USH1C: variants seen among roughly 807,000 people sequenced by gnomAD.
USH1C encodes the protein harmonin.
Under a neutral mutation model 119.3 loss-of-function variants are expected in USH1C, and 90 were observed. The ratio of observed to expected loss-of-function variants is 0.75; its 90% CI spans 0.64 to 0.90. USH1C has a LOEUF of 0.90. USH1C is among the 40% of genes least tolerant of loss of function. USH1C has a pLI of 0.00. For missense variants in USH1C, 1,165 were observed against 1,167.7 expected (o/e 1.00, Z 0.03); for synonymous variants, 465 against 443.3 (o/e 1.05, Z -0.62).
At position 17,505,948 on chromosome 11, in the gene USH1C, G is replaced by T; in HGVS notation, c.2015C>A (p.Thr672Lys). Residue 672 changes from threonine to lysine, a missense_variant and splice_region_variant, in exon 19 of 27, where the codon ACA becomes AAA. By Grantham distance (78) the Thr-to-Lys change is moderately conservative. Coordinates refer to ENST00000005226, the MANE Select transcript of USH1C (RefSeq NM_153676.4). ...PEQSFPPTPK[T>K]FCPSPQPPRG... The stretch of plus-strand genomic sequence containing the variant: ...TGGAGGCTGTGGGCTTGGGCAAAAT[G>T]TCTAAGGAGTTAGTTTAACAGGGAC... The T allele has an allele frequency of 6.2e-7, 1 of 1,614,204 alleles. No individual in the cohort carries two copies. Among genetic ancestry groups the T allele is most frequent in the Non-Finnish European group, 8.5e-7 (1 of 1,180,024 alleles).
chr11:17,524,331 C>T (rs531750917), intron 9 of USH1C, 120 bp downstream of exon 9: 137 of 1,106,518 alleles, frequency 1.2e-4, no homozygotes, highest in South Asian at 6.9e-4. Flanking sequence ...AGGGCTCCTA[C>T]TCCCTCAGTG....
At chr11:17,495,719 G>A in intron 25 of USH1C, 42 bp from the exon 26 acceptor site, 2 of 1,603,958 alleles carry the variant, frequency 1.2e-6, no homozygotes, top group Non-Finnish European at 1.7e-6. Context: ...AACAGGCTTG[G>A]TTACTCCCAG....
Position 17,509,412 on chromosome 11 carries a change from T to C in USH1C, c.1957A>G (p.Ser653Gly). The C allele has an allele frequency of 2.5e-6, 4 of 1,604,354 alleles. No homozygotes were observed. The highest frequency in any genetic ancestry group is 3.4e-6 in the Non-Finnish European group (4 of 1,173,348). ...PVEDWEAKNH[S>G]GKPTNSPVPE... is the part of the protein sequence containing the mutation. The stretch of plus-strand genomic sequence containing the variant: ...ACAGGGGAGTTAGTGGGCTTCCCAC[T>C]GTGGTTCTTTGCCTCCCAGTCCTCC... Residue 653 changes from serine (S) to glycine (G), a missense_variant, in exon 18 of 27, where the codon AGT (serine) becomes GGT (glycine). Coordinates refer to ENST00000005226, the MANE Select transcript of USH1C (RefSeq NM_153676.4).
chr11:17,505,106 C>T (rs1046274088), intron 19 of USH1C, among the ~76,000 whole-genome samples: 1 of 152,272 alleles, frequency 6.6e-6, no homozygotes, highest in African/African-American at 2.4e-5. Context: ...CAGTGGTCGG[C>T]ACCTCTGGGA....
intron 23 of USH1C, 136 bp downstream of exon 23, chr11:17,500,915 A>T: frequency 2.6e-6 from 2 of 756,888 alleles, no homozygotes; most frequent in South Asian, 3.0e-5. Context: ...AGGCAGTCGG[A>T]TGGATGGACC....
intron 14 of USH1C, among the ~76,000 whole-genome samples, chr11:17,518,977 C>T (rs535227203): frequency 3.9e-5 from 6 of 151,904 alleles, no homozygotes; most frequent in South Asian, 4.2e-4. Context: ...GCTGAGATCA[C>T]GCCATGGCAC....
At position 17,527,050 on chromosome 11, in the gene USH1C, A is replaced by G. The variant is rs1565058032; in HGVS notation, c.497-10T>C. 2.6e-6 allele frequency: 4 copies of G among 1,553,438 alleles called. No individual in the cohort carries two copies. Among genetic ancestry groups the G allele is most frequent in the Middle Eastern group, 3.5e-4 (2 of 5,788 alleles). On this transcript the variant is annotated splice_polypyrimidine_tract_variant and intron_variant, in intron 5 of 26. Coordinates refer to ENST00000005226, the MANE Select transcript of USH1C (RefSeq NM_153676.4). Reference sequence around the variant, plus strand: ...GGGATCAGGCCGATGTCTGCGGGAGAAAGGCACAGGGGTTAGGACAGCTCC... The same window carrying G: ...GGGATCAGGCCGATGTCTGCGGGAGGAAGGCACAGGGGTTAGGACAGCTCC...
Position 17,501,933 on chromosome 11 carries a change from T to G in USH1C, c.2226+6A>C. 1 of 1,613,554 alleles carries G rather than the reference T, an allele frequency of 6.2e-7. No individual in the cohort carries two copies. Among genetic ancestry groups the G allele is most frequent in the Non-Finnish European group, 8.5e-7 (1 of 1,179,790 alleles). ...ACTTGTCCAGGAGAGAAGCGTCATC[T>G]CTTACCATAGAGTAGGGGTCAAAGC... On this transcript the variant is annotated splice_donor_region_variant and intron_variant, in intron 21 of 26. Coordinates refer to ENST00000005226, the MANE Select transcript of USH1C (RefSeq NM_153676.4).
Position 17,509,568 on chromosome 11 carries a change from G to C in USH1C, c.1801C>G (p.Pro601Ala). 1 of 1,596,614 alleles carries C rather than the reference G, an allele frequency of 6.3e-7. No individual in the cohort carries two copies. The highest frequency in any genetic ancestry group is 8.5e-7 in the Non-Finnish European group (1 of 1,171,032). The change falls in exon 18 of 27, where the codon CCC becomes GCC. Residue 601 changes from proline to alanine, a missense_variant. Physicochemically the swap from Pro to Ala is conservative, Grantham distance 27 (BLOSUM62 -1). Transcript: ENST00000005226. ...SSSPWVQRTP[P>A]PIPIPPPPSV... is the part of the protein sequence containing the mutation. ...GGCGGGGGAGGGATGGGAATGGGGG[G>C]TGGAGTGCGCTGCACCCATGGAGAG...
At chr11:17,506,018 T>G (rs1849635108) in intron 18 of USH1C, 69 bp from the exon 19 acceptor site, 1 of 1,607,816 alleles carries the variant, frequency 6.2e-7, no homozygotes, top group Non-Finnish European at 8.5e-7. Flanking sequence ...CCATGCTACT[T>G]CTACACACAT....
intron 20 of USH1C, among the ~76,000 whole-genome samples, chr11:17,504,214 G>A (rs917481684): frequency 3.9e-5 from 6 of 152,196 alleles, no homozygotes; most frequent in Non-Finnish European, 5.9e-5. Context: ...CGCTGGTTCA[G>A]TGTCAGGCAG....
chr11:17,524,205 C>T (rs186368314), intron 9 of USH1C, among the ~76,000 whole-genome samples: 1 of 152,318 alleles, frequency 6.6e-6, no homozygotes, highest in Admixed American at 6.5e-5. Flanking sequence ...TGAAGGTCCG[C>T]TCTTTGATTA....
intron 4 of USH1C, among the ~76,000 whole-genome samples, chr11:17,527,595 G>A (rs999955593): frequency 4.0e-4 from 61 of 152,196 alleles, no homozygotes; most frequent in African/African-American, 1.4e-3. Context: ...CGGGTGTGCA[G>A]CAGAGCTGGG....
intron 18 of USH1C, among the ~76,000 whole-genome samples, 156 bp downstream of exon 18, chr11:17,509,200 T>C (rs1311720935): frequency 6.6e-6 from 1 of 152,306 alleles, no homozygotes; most frequent in Admixed American, 6.5e-5. Flanking sequence ...ACATGCAGGA[T>C]GTCCACACAT....
At chr11:17,517,314 G>A in intron 14 of USH1C, 1 of 1,385,924 alleles carries the variant, frequency 7.2e-7, no homozygotes, top group Non-Finnish European at 1.0e-6. Context: ...CTGGGCCCCT[G>A]AAGCTGGGTG....
At chr11:17,494,503 G>A (rs1234890287) in intron 26 of USH1C, 127 bp from the exon 27 acceptor site, 1 of 1,075,676 alleles carries the variant, frequency 9.3e-7, no homozygotes, top group African/African-American at 1.6e-5. Context: ...ACCCTTTGGA[G>A]ACCCCTCTGG....
rs1850472072 is a variant in USH1C at position 17,522,818 on chromosome 11, T to C, written c.985A>G (p.Lys329Glu). Residue 329 changes from lysine (K) to glutamate (E), a missense_variant, in exon 12 of 27, where the codon AAG becomes GAG. Coordinates refer to ENST00000005226, the MANE Select transcript of USH1C (RefSeq NM_153676.4). ...ATCTCCTGCTGCTCCTGGAGGATCT[T>C]GTTGGACTCCATCGCCAGCCGCTTC... ...MQKRLAMESN[K>E]ILQEQQEMER... 3 of 1,613,998 alleles carry C rather than the reference T, an allele frequency of 1.9e-6. No homozygotes were observed. Among genetic ancestry groups the C allele is most frequent in the Non-Finnish European group, 1.7e-6 (2 of 1,179,986 alleles).
chr11:17,533,273 A>G lies in USH1C; in HGVS notation c.86T>C (p.Val29Ala), dbSNP rs1225585780. ...NDAEKDYLYD[V>A]LRMYHQTMDV... ...CACTTACTGGTGGTACATTCGCAGC[A>G]CATCATAGAGATAGTCCTTCTCTGC... is the stretch of plus-strand genomic sequence containing the variant. Residue 29 changes from valine (V) to alanine (A), a missense_variant, in exon 2 of 27, where the codon GTG becomes GCG. By Grantham distance (64) the Val-to-Ala change is moderately conservative (BLOSUM62 0). Transcript: ENST00000005226. The G allele has an allele frequency of 6.2e-7, 1 of 1,614,036 alleles. No individual in the cohort carries two copies. Among genetic ancestry groups the G allele is most frequent in the East Asian group, 2.2e-5 (1 of 44,878 alleles).
chr11:17,530,773 C>T (rs733126), intron 4 of USH1C, among the ~76,000 whole-genome samples: 15,375 of 152,224 alleles, frequency 0.1, 954 homozygotes, highest in South Asian at 0.26. Context: ...CTATGCTCTT[C>T]GGCATCACAC....
Sources: gnomAD v4.1 joint callset for allele counts (sites outside exome capture counted in the v4.1 genomes callset) on GRCh38, gnomAD v4.1.1 for gene constraint, MANE v1.5 for transcripts, NCBI Gene and HGNC (gene_info 2026-07-23, HGNC 2026-07-21) for gene names.